THRSP: variants seen among roughly 807,000 people sequenced by gnomAD.
THRSP encodes the protein thyroid hormone responsive.
A neutral mutation model predicts 11.1 loss-of-function variants in THRSP; 9 were observed. The observed-to-expected ratio is 0.81, with a 90% CI of 0.49 to 1.42. The LOEUF (loss-of-function observed/expected upper bound fraction) is 1.42. Ranked by LOEUF, THRSP falls within the 40% of genes most tolerant of loss-of-function variation. The pLI, the probability that THRSP is intolerant of heterozygous loss-of-function variation, is 0.00. For synonymous variants in THRSP, 73 were observed against 78.1 expected (o/e 0.94, Z 0.34); for missense variants, 177 against 188.2 (o/e 0.94, Z 0.35).
intron 1 of THRSP, among the ~76,000 whole-genome samples, chr11:78,065,616 C>T (rs1858715316): frequency 6.6e-6 from 1 of 152,180 alleles, no homozygotes; most frequent in South Asian, 2.1e-4. Context: ...AGATTCTCAT[C>T]CCCAGTTTAC....
In THRSP at chr11:78,064,150, A is replaced by G; in HGVS notation, c.269A>G (p.Asn90Ser). Residue 90 changes from asparagine (N) to serine (S), a missense_variant, in exon 1 of 2, where the codon AAT becomes AGT. By Grantham distance (46) the Asn-to-Ser change is conservative (BLOSUM62 1). Coordinates refer to ENST00000281030, the MANE Select transcript of THRSP (RefSeq NM_003251.4). Reference sequence around the variant, plus strand: ...GCCAAGGTGGCAGGCAGCGAAGAGAATGGAACCGCAGAGACAGAGGAAGTC... The same window carrying G: ...GCCAAGGTGGCAGGCAGCGAAGAGAGTGGAACCGCAGAGACAGAGGAAGTC... Reference protein sequence around the residue: ...WQAKVAGSEENGTAETEEVED... With the variant: ...WQAKVAGSEESGTAETEEVED... The G allele has an allele frequency of 6.2e-7, 1 of 1,614,100 alleles. No homozygotes were observed. Among genetic ancestry groups the G allele is most frequent in the Non-Finnish European group, 8.5e-7 (1 of 1,180,000 alleles).
rs768704667 is a variant in THRSP, at chr11:78,063,895, C to T, written c.14C>T (p.Thr5Ile). Residue 5 changes from threonine (T) to isoleucine (I), a missense_variant, in exon 1 of 2, where the codon ACC becomes ATC. Coordinates refer to ENST00000281030, the MANE Select transcript of THRSP (RefSeq NM_003251.4). ...GAGGAAGCAACCATGCAGGTGCTAA[C>T]CAAGCGTTACCCCAAGAACTGCCTG... MQVL[T>I]KRYPKNCLLT... 1.3e-6 allele frequency: 2 copies of T among 1,573,654 alleles called. No individual in the cohort carries two copies. The highest frequency in any genetic ancestry group is 4.5e-5 in the East Asian group (2 of 44,572).
Position 78,063,897 on chromosome 11 carries a change from A to G in THRSP, c.16A>G (p.Lys6Glu). Residue 6 changes from lysine (K) to glutamate (E), a missense_variant, in exon 1 of 2, where the codon AAG becomes GAG. By Grantham distance (56) the Lys-to-Glu change is moderately conservative. Coordinates refer to ENST00000281030, the MANE Select transcript of THRSP (RefSeq NM_003251.4). The stretch of plus-strand genomic sequence containing the variant: ...GGAAGCAACCATGCAGGTGCTAACC[A>G]AGCGTTACCCCAAGAACTGCCTGCT... MQVLTKRYPKNCLLTV... is the reference protein window; with the variant it reads MQVLTERYPKNCLLTV... 6.3e-7 allele frequency: 1 copy of G among 1,575,810 alleles called. No individual in the cohort carries two copies. Among genetic ancestry groups the G allele is most frequent in the Non-Finnish European group, 8.6e-7 (1 of 1,161,762 alleles).
intron 1 of THRSP, 79 bp downstream of exon 1, chr11:78,064,420 C>G (rs545869): frequency 0.67 from 854,936 of 1,268,682 alleles, 290,933 homozygotes; most frequent in Non-Finnish European, 0.69. Context: ...GTGCAACCCA[C>G]TGGGAGAGGA....
rs139939341 is a variant in THRSP, at chr11:78,066,346, T to C, written c.*20-1313T>C. ...ACCCAGCTAATTTTTTTAAAATCTT[T>C]AGTAGAGACCGGGTTTCACCATGTT... On this transcript the variant is annotated intron_variant, in intron 1 of 1. Transcript: ENST00000281030. 6.6e-5 allele frequency among the ~76,000 whole-genome samples: 10 copies of C among 152,180 alleles called. No individual in the cohort carries two copies. In the East Asian group the frequency reaches 1.9e-3, roughly 29 times the overall value.
chr11:78,065,858 C>T (rs1858723054), intron 1 of THRSP, among the ~76,000 whole-genome samples: 1 of 152,240 alleles, frequency 6.6e-6, no homozygotes, highest in African/African-American at 2.4e-5. Context: ...CAGGCATTTT[C>T]TCAGCCATTT....
At chr11:78,064,723 G>C (rs582389) in intron 1 of THRSP, among the ~76,000 whole-genome samples, 1 of 151,960 alleles carries the variant, frequency 6.6e-6, no homozygotes, top group African/African-American at 2.4e-5. Flanking sequence ...GGGGCCAGGC[G>C]CGGTGGCTCA....
At chr11:78,066,327 C>G (rs1271166455) in intron 1 of THRSP, among the ~76,000 whole-genome samples, 2 of 152,182 alleles carry the variant, frequency 1.3e-5, no homozygotes, top group Non-Finnish European at 1.5e-5. Flanking sequence ...CCACACCCAG[C>G]TAATTTTTTT....
chr11:78,066,032 T>C (rs548876290), intron 1 of THRSP, among the ~76,000 whole-genome samples: 1 of 152,258 alleles, frequency 6.6e-6, no homozygotes, highest in African/African-American at 2.4e-5. Flanking sequence ...CTGTGGGGCC[T>C]TGGGCAAGCT....
At chr11:78,064,417 C>A in intron 1 of THRSP, 76 bp downstream of exon 1, 1 of 1,329,256 alleles carries the variant, frequency 7.5e-7, no homozygotes, top group Non-Finnish European at 1.0e-6. Context: ...GTGGTGCAAC[C>A]CACTGGGAGA....
intron 1 of THRSP, among the ~76,000 whole-genome samples, chr11:78,065,466 T>C (rs1247435790): frequency 6.6e-6 from 1 of 152,112 alleles, no homozygotes; most frequent in Non-Finnish European, 1.5e-5. Flanking sequence ...CTAGTATTAA[T>C]AGAAATTGGA....
At chr11:78,065,028 T>C (rs1858697031) in intron 1 of THRSP, among the ~76,000 whole-genome samples, 1 of 151,294 alleles carries the variant, frequency 6.6e-6, no homozygotes, top group African/African-American at 2.4e-5. Context: ...TGCACATTGA[T>C]TTAAGTGAAC....
chr11:78,065,334 C>T (rs1226785240), intron 1 of THRSP, among the ~76,000 whole-genome samples: 2 of 152,078 alleles, frequency 1.3e-5, no homozygotes, highest in Non-Finnish European at 2.9e-5. Flanking sequence ...CATGTCTATG[C>T]ACAGAGGGGC....
intron 1 of THRSP, 122 bp downstream of exon 1, chr11:78,064,463 G>C: frequency 3.5e-6 from 3 of 866,386 alleles, no homozygotes; most frequent in Non-Finnish European, 5.3e-6. Context: ...CCACTCTTGG[G>C]TCAGGGTATT....
intron 1 of THRSP, 107 bp downstream of exon 1, chr11:78,064,448 C>A: frequency 1.0e-6 from 1 of 967,242 alleles, no homozygotes; most frequent in Non-Finnish European, 1.5e-6. Flanking sequence ...GACTTTCAGA[C>A]AGAGCCACTC....
chr11:78,065,900 A>T (rs1056349739), intron 1 of THRSP, among the ~76,000 whole-genome samples: 12 of 152,072 alleles, frequency 7.9e-5, no homozygotes, highest in African/African-American at 2.9e-4. Context: ...CAAACTGTCA[A>T]CCTCAACCCT....
At chr11:78,066,290 A>G (rs1367575237) in intron 1 of THRSP, among the ~76,000 whole-genome samples, 1 of 152,074 alleles carries the variant, frequency 6.6e-6, no homozygotes, top group Non-Finnish European at 1.5e-5. Context: ...CAGCTTCCAA[A>G]GTAGCTGGGA....
At chr11:78,064,672 T>G (rs185168958) in intron 1 of THRSP, among the ~76,000 whole-genome samples, 15 of 150,392 alleles carry the variant, frequency 1.0e-4, no homozygotes, top group Admixed American at 8.8e-4. Flanking sequence ...ATTGAATGAG[T>G]GTGTTCTCAT....
chr11:78,067,099 A>G (rs1172314878), intron 1 of THRSP, among the ~76,000 whole-genome samples: 1 of 147,262 alleles, frequency 6.8e-6, no homozygotes, highest in Non-Finnish European at 1.5e-5. Flanking sequence ...TGCTGGGATT[A>G]CAGGCGTGAG....
Sources: gnomAD v4.1 joint callset for allele counts (sites outside exome capture counted in the v4.1 genomes callset) on GRCh38, gnomAD v4.1.1 for gene constraint, MANE v1.5 for transcripts, NCBI Gene and HGNC (gene_info 2026-07-23, HGNC 2026-07-21) for gene names.